The following SLC39A10 variants were observed in gnomAD, a reference collection of about 807,000 sequenced individuals.
SLC39A10 encodes the protein zinc transporter ZIP10.
SLC39A10 carries 13 observed loss-of-function variants against 65.1 expected under a neutral mutation model. The ratio of observed to expected loss-of-function variants is 0.20; its 90% CI spans 0.13 to 0.32. SLC39A10 has a LOEUF of 0.32. SLC39A10 is among the 10% of genes least tolerant of loss of function. The probability of loss-of-function intolerance (pLI) is 1.00; values close to 1 mark genes in which losing one functional copy is unlikely to be tolerated. For missense variants in SLC39A10, 831 were observed against 1,018.4 expected, an observed-to-expected ratio of 0.82 and a Z score of 2.50; for synonymous variants, 321 against 342.2, an observed-to-expected ratio of 0.94 and a Z score of 0.68.
chr2:195,725,054 G>A (rs1225153652), intron 8 of SLC39A10, among the ~76,000 whole-genome samples: 1 of 151,804 alleles, frequency 6.6e-6, no homozygotes, highest in East Asian at 1.9e-4. Context: ...AAATGGCGCT[G>A]TAACAATTGG....
rs534142340 is a variant in SLC39A10, at chr2:195,663,303, CAG to C, written c.-12+6023_-12+6024del. Among the ~76,000 whole-genome samples, 67 of 152,280 alleles carry C rather than the reference CAG, an allele frequency of 4.4e-4. 1 individual carries two copies. In the East Asian group the frequency reaches 4.4e-3, roughly 10 times the overall value. On this transcript the variant is annotated intron_variant, in intron 1 of 9. Coordinates refer to ENST00000359634, the MANE Select transcript of SLC39A10 (RefSeq NM_020342.3). ...AAACAAATATTTTGGTATATTAACT[CAG>C]TGCACTTCTACTGAAGATGACTCCT...
At chr2:195,716,428 G>GTTTGT (rs1002275136) in intron 6 of SLC39A10, among the ~76,000 whole-genome samples, 2 of 152,018 alleles carry the variant, frequency 1.3e-5, no homozygotes, top group Admixed American at 6.5e-5. Flanking sequence ...GTGTGTGTAT[G>GTTTGT]TTTGTTTTGT....
intron 1 of SLC39A10, among the ~76,000 whole-genome samples, chr2:195,668,438 G>A (rs1284959444): frequency 1.3e-5 from 2 of 152,092 alleles, no homozygotes; most frequent in Non-Finnish European, 2.9e-5. Context: ...TAATCTTTTG[G>A]TTTCTACCTT....
chr2:195,733,422 T>C (rs1187742982), intron 9 of SLC39A10, among the ~76,000 whole-genome samples: 1 of 152,272 alleles, frequency 6.6e-6, no homozygotes, highest in Non-Finnish European at 1.5e-5. Context: ...CCACAAATCT[T>C]ATTTACTTAG....
chr2:195,678,947 T>C (rs1022298333), intron 1 of SLC39A10, among the ~76,000 whole-genome samples: 1 of 152,198 alleles, frequency 6.6e-6, no homozygotes, highest in African/African-American at 2.4e-5. Flanking sequence ...AATTGGCTCT[T>C]ATTATATTTC....
intron 5 of SLC39A10, among the ~76,000 whole-genome samples, chr2:195,711,503 G>A (rs1319597826): frequency 6.6e-6 from 1 of 152,086 alleles, no homozygotes; most frequent in East Asian, 1.9e-4. Context: ...TATCAGAGAA[G>A]GGAATCTGGC....
intron 1 of SLC39A10, among the ~76,000 whole-genome samples, chr2:195,669,769 G>C (rs1456477360): frequency 6.6e-6 from 1 of 152,018 alleles, no homozygotes; most frequent in African/African-American, 2.4e-5. Context: ...AGGCTGAGGT[G>C]GGGAGGATCC....
At chr2:195,665,805 C>G (rs761068751) in intron 1 of SLC39A10, among the ~76,000 whole-genome samples, 1 of 152,126 alleles carries the variant, frequency 6.6e-6, no homozygotes, top group Non-Finnish European at 1.5e-5. Context: ...AGCTGATTTT[C>G]AGTTCTAACC....
At chr2:195,674,961 G>C (rs1330453482) in intron 1 of SLC39A10, among the ~76,000 whole-genome samples, 1 of 152,236 alleles carries the variant, frequency 6.6e-6, no homozygotes, top group Admixed American at 6.5e-5. Flanking sequence ...AATGGAGCTT[G>C]CAGGACTGGA....
chr2:195,645,043 A>G (rs1400498379), intron 2 of SLC39A10, among the ~76,000 whole-genome samples: 1 of 151,648 alleles, frequency 6.6e-6, no homozygotes, highest in Non-Finnish European at 1.5e-5. Context: ...CCTAGTAGCT[A>G]GGATTACAGG....
chr2:195,632,212 T>A (rs1688598327), intron 2 of SLC39A10, among the ~76,000 whole-genome samples: 1 of 151,704 alleles, frequency 6.6e-6, no homozygotes, highest in Non-Finnish European at 1.5e-5. Context: ...GCCTGTTTTG[T>A]TATTCTTATC....
chr2:195,681,402 T>C (rs546164193), intron 2 of SLC39A10, among the ~76,000 whole-genome samples: 9 of 152,024 alleles, frequency 5.9e-5, no homozygotes, highest in Non-Finnish European at 1.3e-4. Context: ...GGCGGGCGCC[T>C]GTAGCCCCAG....
intron 1 of SLC39A10, among the ~76,000 whole-genome samples, chr2:195,674,836 G>C (rs1221956657): frequency 6.7e-6 from 1 of 149,658 alleles, no homozygotes; most frequent in South Asian, 2.2e-4. Flanking sequence ...ACTGAATACT[G>C]TAGGCAGTTG....
intron 2 of SLC39A10, 76 bp downstream of exon 2, chr2:195,681,126 T>G (rs1690295038): frequency 7.2e-7 from 1 of 1,380,622 alleles, no homozygotes; most frequent in Non-Finnish European, 9.9e-7. Flanking sequence ...ACAGGATAAG[T>G]AACAGTGGAG....
chr2:195,619,829 C>T (rs551521947), intron 2 of SLC39A10, among the ~76,000 whole-genome samples: 7 of 152,270 alleles, frequency 4.6e-5, no homozygotes, highest in African/African-American at 1.7e-4. Flanking sequence ...TATTAGCCTC[C>T]GCCTGCCAGT....
chr2:195,688,426 C>T (rs1690605871), intron 3 of SLC39A10, among the ~76,000 whole-genome samples: 1 of 152,060 alleles, frequency 6.6e-6, no homozygotes, highest in Admixed American at 6.6e-5. Flanking sequence ...TATTTTAGTA[C>T]AGTAAGTTCA....
chr2:195,713,229 AT>A (rs890619133), intron 5 of SLC39A10, among the ~76,000 whole-genome samples: 16 of 152,188 alleles, frequency 1.1e-4, no homozygotes, highest in African/African-American at 3.9e-4. Flanking sequence ...TCTTAGTTGA[AT>A]ATTTAAAAAA....
At chr2:195,704,782 G>GTTT (rs1434563032) in intron 3 of SLC39A10, among the ~76,000 whole-genome samples, 14 of 150,102 alleles carry the variant, frequency 9.3e-5, no homozygotes, top group African/African-American at 2.0e-4. Context: ...CTGCCCCTGT[G>GTTT]TTTTTTTGTT....
intron 2 of SLC39A10, among the ~76,000 whole-genome samples, chr2:195,617,355 C>G (rs12616305): frequency 1 from 152,170 of 152,170 alleles, 76,085 homozygotes; most frequent in Non-Finnish European, 1. Flanking sequence ...AAGGTCAGGA[C>G]TTTGAGGCCA....
Sources: gnomAD v4.1 joint callset for allele counts (sites outside exome capture counted in the v4.1 genomes callset) on GRCh38, gnomAD v4.1.1 for gene constraint, MANE v1.5 for transcripts, NCBI Gene and HGNC (gene_info 2026-07-23, HGNC 2026-07-21) for gene names.